GPM6A: variants seen among roughly 807,000 people sequenced by gnomAD.
GPM6A encodes glycoprotein M6A.
In GPM6A, 7 loss-of-function variants were observed where a neutral mutation model predicts 32.1. The ratio of observed to expected loss-of-function variants is 0.22; its 90% confidence interval spans 0.12 to 0.41. GPM6A has a LOEUF of 0.41. Ranked by LOEUF, GPM6A falls within the 10% of genes least tolerant of loss-of-function variation. The pLI is 1.00. For synonymous variants in GPM6A, 130 were observed against 123.4 expected, an observed-to-expected ratio of 1.05 and a Z score of -0.35; for missense variants, 235 against 347.2, an observed-to-expected ratio of 0.68 and a Z score of 2.57.
chr4:175,955,248 G>T (rs1360011604), intron 1 of GPM6A, among the ~76,000 whole-genome samples: 1 of 152,226 alleles, frequency 6.6e-6, no homozygotes, highest in Non-Finnish European at 1.5e-5. Context: ...GTCCATGGGA[G>T]AAAGGAAAAT....
chr4:175,867,872 G>A (rs1158816454), intron 1 of GPM6A, among the ~76,000 whole-genome samples: 1 of 152,132 alleles, frequency 6.6e-6, no homozygotes, highest in East Asian at 1.9e-4. Context: ...CAGCACATTT[G>A]GTTCTGGTTA....
At chr4:175,727,365 C>T (rs1034257535) in intron 1 of GPM6A, among the ~76,000 whole-genome samples, 4 of 152,112 alleles carry the variant, frequency 2.6e-5, no homozygotes, top group Non-Finnish European at 5.9e-5. Context: ...AGCAAATACT[C>T]ATCTAAAGTT....
At chr4:175,687,310 AT>A (rs1355432439) in intron 2 of GPM6A, among the ~76,000 whole-genome samples, 1 of 152,116 alleles carries the variant, frequency 6.6e-6, no homozygotes, top group African/African-American at 2.4e-5. Context: ...CTCCACACTC[AT>A]TGAACAGCCA....
intron 1 of GPM6A, among the ~76,000 whole-genome samples, chr4:175,748,238 G>A (rs1732185572): frequency 6.6e-6 from 1 of 152,164 alleles, no homozygotes; most frequent in Admixed American, 6.5e-5. Flanking sequence ...TAATGAAAAT[G>A]TTCTTAATGG....
intron 1 of GPM6A, among the ~76,000 whole-genome samples, chr4:175,897,966 C>T (rs566357702): frequency 1.3e-5 from 2 of 152,282 alleles, no homozygotes; most frequent in South Asian, 2.1e-4. Context: ...TAAGACAACA[C>T]TAAGCCTCTC....
At chr4:175,898,685 T>C (rs945139898) in intron 1 of GPM6A, among the ~76,000 whole-genome samples, 1 of 152,126 alleles carries the variant, frequency 6.6e-6, no homozygotes, top group Admixed American at 6.5e-5. Context: ...ACAATGGCCC[T>C]CAAAAAATAT....
chr4:175,947,018 A>G (rs1739630817), intron 1 of GPM6A, among the ~76,000 whole-genome samples: 1 of 152,200 alleles, frequency 6.6e-6, no homozygotes, highest in African/African-American at 2.4e-5. Context: ...CATTTATAGG[A>G]TGAAATGAAG....
chr4:175,968,137 C>A (rs917548980), intron 1 of GPM6A, among the ~76,000 whole-genome samples: 15 of 151,470 alleles, frequency 9.9e-5, no homozygotes, highest in Admixed American at 6.6e-5. Context: ...GTCAATTGAT[C>A]TTTGGCAAAG....
At chr4:175,867,236 G>A (rs1579580031) in intron 1 of GPM6A, among the ~76,000 whole-genome samples, 1 of 151,974 alleles carries the variant, frequency 6.6e-6, no homozygotes, top group Non-Finnish European at 1.5e-5. Context: ...TCTTTCACAG[G>A]GCAGAAGTTT....
At chr4:175,665,464 T>A (rs560365648) in intron 3 of GPM6A, among the ~76,000 whole-genome samples, 1 of 151,928 alleles carries the variant, frequency 6.6e-6, no homozygotes, top group South Asian at 2.1e-4. Flanking sequence ...AAAATTCAAA[T>A]AAAGTCAAAT....
At chr4:175,843,936 A>G (rs1052539765) in intron 1 of GPM6A, among the ~76,000 whole-genome samples, 3 of 152,120 alleles carry the variant, frequency 2.0e-5, no homozygotes, top group Admixed American at 2.0e-4. Context: ...CATCCTGATA[A>G]ATCAGTCCGG....
intron 1 of GPM6A, among the ~76,000 whole-genome samples, chr4:175,992,324 A>G (rs1490377526): frequency 6.6e-6 from 1 of 152,058 alleles, no homozygotes; most frequent in Admixed American, 6.6e-5. Context: ...TAATAAAGGG[A>G]AAAAAATATC....
chr4:175,705,200 T>C (rs1487128336), intron 1 of GPM6A, among the ~76,000 whole-genome samples: 1 of 152,208 alleles, frequency 6.6e-6, no homozygotes, highest in Non-Finnish European at 1.5e-5. Context: ...TCAACCCAAA[T>C]TGACAACTCT....
At chr4:175,696,877 A>T (rs1560881023) in intron 2 of GPM6A, among the ~76,000 whole-genome samples, 1 of 152,136 alleles carries the variant, frequency 6.6e-6, no homozygotes, top group Non-Finnish European at 1.5e-5. Context: ...GCAAACTTAG[A>T]GATATAAACC....
intron 1 of GPM6A, among the ~76,000 whole-genome samples, chr4:175,744,467 T>C (rs10446856): frequency 0.35 from 53,498 of 151,700 alleles, 11,674 homozygotes; most frequent in Non-Finnish European, 0.48. Flanking sequence ...AAGAGAATAA[T>C]AAAAATAAGA....
At chr4:175,672,482 G>A (rs568893604) in intron 3 of GPM6A, among the ~76,000 whole-genome samples, 14 of 152,206 alleles carry the variant, frequency 9.2e-5, no homozygotes, top group South Asian at 2.1e-4. Flanking sequence ...TCTTAAAATC[G>A]GAATTTGCCT....
intron 1 of GPM6A, among the ~76,000 whole-genome samples, chr4:175,781,921 A>T (rs1020343741): frequency 6.6e-6 from 1 of 152,280 alleles, no homozygotes; most frequent in African/African-American, 2.4e-5. Flanking sequence ...GTGGTTTTAT[A>T]ATATAACACA....
chr4:175,784,721 G>A (rs1733733282), intron 1 of GPM6A, among the ~76,000 whole-genome samples: 1 of 152,094 alleles, frequency 6.6e-6, no homozygotes, highest in Non-Finnish European at 1.5e-5. Flanking sequence ...CTAAGTGTGT[G>A]TGTGTATGTG....
intron 1 of GPM6A, among the ~76,000 whole-genome samples, chr4:176,000,958 C>T (rs558592255): frequency 5.9e-5 from 9 of 152,192 alleles, no homozygotes; most frequent in Non-Finnish European, 1.3e-4. Context: ...CCATTTCCAA[C>T]ACTGTTTATA....
Sources: gnomAD v4.1 joint callset for allele counts (sites outside exome capture counted in the v4.1 genomes callset) on GRCh38, gnomAD v4.1.1 for gene constraint, MANE v1.5 for transcripts, NCBI Gene and HGNC (gene_info 2026-07-23, HGNC 2026-07-21) for gene names.